The following PDE1C variants were observed in gnomAD, a reference collection of about 807,000 sequenced individuals.
PDE1C encodes dual specificity calcium/calmodulin-dependent 3',5'-cyclic nucleotide phosphodiesterase 1C.
A neutral mutation model predicts 93.1 loss-of-function variants in PDE1C; 62 were observed. That is an observed-to-expected ratio of 0.67 (90% confidence interval 0.54 to 0.82). The LOEUF (loss-of-function observed/expected upper bound fraction) is 0.82. PDE1C is among the 40% of genes least tolerant of loss of function. PDE1C has a pLI of 0.00. For synonymous variants in PDE1C, 325 were observed against 310.1 expected, an observed-to-expected ratio of 1.05 and a Z score of -0.50; for missense variants, 742 against 884.6, an observed-to-expected ratio of 0.84 and a Z score of 2.04.
intron 3 of PDE1C, among the ~76,000 whole-genome samples, chr7:32,139,150 T>C (rs1042666436): frequency 3.9e-5 from 6 of 152,122 alleles, no homozygotes; most frequent in African/African-American, 4.8e-5. Flanking sequence ...ATCTTTGTTT[T>C]TTAGAAATAG....
chr7:32,047,682 A>G (rs1050877171), intron 2 of PDE1C, among the ~76,000 whole-genome samples: 3 of 152,134 alleles, frequency 2.0e-5, no homozygotes, highest in African/African-American at 7.2e-5. Context: ...GTGTTGTAGT[A>G]GGATGACAAT....
intron 1 of PDE1C, among the ~76,000 whole-genome samples, chr7:32,334,770 T>A (rs1323646029): frequency 6.6e-6 from 1 of 152,210 alleles, no homozygotes; most frequent in Non-Finnish European, 1.5e-5. Context: ...ATAAAGTTTA[T>A]GCATGTTTGC....
intron 2 of PDE1C, among the ~76,000 whole-genome samples, chr7:31,974,032 C>G (rs1412399301): frequency 6.6e-6 from 1 of 152,110 alleles, no homozygotes; most frequent in Non-Finnish European, 1.5e-5. Flanking sequence ...ATTAGTAACT[C>G]TCATTGTTCA....
At chr7:31,831,223 T>G (rs1216398261) in intron 11 of PDE1C, among the ~76,000 whole-genome samples, 1 of 152,198 alleles carries the variant, frequency 6.6e-6, no homozygotes, top group Non-Finnish European at 1.5e-5. Flanking sequence ...AGAAAGGCAT[T>G]GTGATGTTGG....
chr7:32,104,936 T>C (rs1798223413), intron 3 of PDE1C, among the ~76,000 whole-genome samples: 1 of 152,154 alleles, frequency 6.6e-6, no homozygotes, highest in South Asian at 2.1e-4. Flanking sequence ...TCAATTTGGT[T>C]TTCCTCTTCA....
intron 3 of PDE1C, among the ~76,000 whole-genome samples, chr7:32,124,070 C>T (rs754811751): frequency 3.9e-5 from 6 of 152,098 alleles, no homozygotes; most frequent in Non-Finnish European, 7.4e-5. Flanking sequence ...AATTGACAAG[C>T]AGACAGCCAA....
chr7:31,965,876 A>G (rs1342824537), intron 2 of PDE1C, among the ~76,000 whole-genome samples: 2 of 152,194 alleles, frequency 1.3e-5, no homozygotes, highest in Non-Finnish European at 2.9e-5. Flanking sequence ...TAAGTGAAGG[A>G]GAAATAAAAT....
intron 1 of PDE1C, among the ~76,000 whole-genome samples, chr7:32,229,300 G>A (rs1195670595): frequency 6.6e-6 from 1 of 152,196 alleles, no homozygotes; most frequent in Non-Finnish European, 1.5e-5. Flanking sequence ...CAACTGTTGT[G>A]TACAGCCAGG....
intron 2 of PDE1C, among the ~76,000 whole-genome samples, chr7:31,894,145 A>C (rs1798979774): frequency 6.6e-6 from 1 of 152,248 alleles, no homozygotes; most frequent in African/African-American, 2.4e-5. Context: ...GAATCATAGA[A>C]TGTTCAACAT....
In PDE1C at chr7:32,395,690, T is replaced by C. The variant is rs568584246; in HGVS notation, c.310+32132A>G. On this transcript the variant is annotated intron_variant, in intron 1 of 1. Transcript: ENST00000672256. ...TACTGGGTCAGTACAAGAAGAAACA[T>C]TTTAGTTAGCTACAGCTACAAAGCT... is the stretch of plus-strand genomic sequence containing the variant. 3.3e-5 allele frequency among the ~76,000 whole-genome samples: 5 copies of C among 152,298 alleles called. No homozygotes were observed. The East Asian group carries it at 9.7e-4, about 29-fold the overall frequency.
intron 2 of PDE1C, among the ~76,000 whole-genome samples, chr7:32,036,097 G>A (rs1034146725): frequency 3.3e-5 from 5 of 152,052 alleles, no homozygotes; most frequent in African/African-American, 7.2e-5. Context: ...TCTAAACACA[G>A]GTTTCTCCAT....
the PDE1C span, among the ~76,000 whole-genome samples, chr7:31,710,963 T>G: frequency 6.6e-6 from 1 of 152,156 alleles, no homozygotes; most frequent in African/African-American, 2.4e-5. Context: ...AAATGAGCTC[T>G]ACCTTGGACA....
At chr7:32,153,474 G>C (rs1162529790) in intron 3 of PDE1C, among the ~76,000 whole-genome samples, 1 of 152,168 alleles carries the variant, frequency 6.6e-6, no homozygotes, top group Non-Finnish European at 1.5e-5. Flanking sequence ...GAAGAATGAA[G>C]GAAAACAAGA....
chr7:31,790,300 C>T (rs754649150), intron 16 of PDE1C: 3 of 1,568,338 alleles, frequency 1.9e-6, no homozygotes, highest in Non-Finnish European at 2.6e-6. Flanking sequence ...TCAATGCTGC[C>T]TTTCCCCCCG....
intron 6 of PDE1C, among the ~76,000 whole-genome samples, chr7:31,867,585 A>G (rs1368408543): frequency 6.6e-6 from 1 of 152,116 alleles, no homozygotes; most frequent in Non-Finnish European, 1.5e-5. Context: ...CACCTCTATG[A>G]TGCTTGGAAC....
At chr7:31,831,589 C>G (rs969844257) in intron 11 of PDE1C, among the ~76,000 whole-genome samples, 1 of 152,068 alleles carries the variant, frequency 6.6e-6, no homozygotes, top group Non-Finnish European at 1.5e-5. Flanking sequence ...TAGAATACTA[C>G]TGCTCTGATT....
chr7:32,029,712 G>T lies in PDE1C; in HGVS notation c.128+21842C>A, dbSNP rs1000324769. 2.0e-5 allele frequency among the ~76,000 whole-genome samples: 3 copies of T among 152,198 alleles called. No homozygotes were observed. In the East Asian group the frequency reaches 5.8e-4, roughly 29 times the overall value. The stretch of plus-strand genomic sequence containing the variant: ...AATGACTTTCACCCAAACAGGTAAT[G>T]CAACCTAGGTTTAAAAAATTGTGTA... On this transcript the variant is annotated intron_variant, in intron 2 of 17. Coordinates refer to ENST00000396191, the MANE Select transcript of PDE1C (RefSeq NM_001191057.4).
At chr7:32,015,733 C>G (rs1368992909) in intron 2 of PDE1C, among the ~76,000 whole-genome samples, 1 of 151,344 alleles carries the variant, frequency 6.6e-6, no homozygotes, top group Non-Finnish European at 1.5e-5. Flanking sequence ...TAGAGGAAAA[C>G]ACCAAAAAAA....
chr7:32,185,594 A>G lies in PDE1C; in HGVS notation c.137-15638T>C, dbSNP rs1168590535. Among the ~76,000 whole-genome samples the G allele has an allele frequency of 2.6e-5, 4 of 152,100 alleles. No individual in the cohort carries two copies. In the East Asian group the frequency reaches 7.7e-4, roughly 29 times the overall value. On this transcript the variant is annotated intron_variant, in intron 2 of 18. Coordinates refer to the PDE1C transcript ENST00000396193. ...TGGAATATTTTCCTTTACAATTGCC[A>G]TTTTGCAGAGATATTCAAATTTGTT...
Sources: allele counts gnomAD v4.1 joint callset (sites outside exome capture counted in the v4.1 genomes callset), GRCh38; gene constraint gnomAD v4.1.1; transcripts MANE v1.5; gene names NCBI Gene and HGNC (gene_info 2026-07-23, HGNC 2026-07-21).